ENTPD4: variants seen among roughly 807,000 people sequenced by gnomAD.
ENTPD4 encodes ectonucleoside triphosphate diphosphohydrolase 4.
Under a neutral mutation model 79.1 loss-of-function variants are expected in ENTPD4, and 60 were observed. The ratio of observed to expected loss-of-function variants is 0.76; its 90% CI spans 0.62 to 0.94. ENTPD4 has a LOEUF of 0.94. Among genes scored for constraint, ENTPD4 ranks in the 40% least tolerant of loss-of-function variants. The pLI, the probability that ENTPD4 is intolerant of heterozygous loss-of-function variation, is 0.00. For synonymous variants in ENTPD4, 276 were observed against 292.0 expected, an observed-to-expected ratio of 0.95 and a Z score of 0.56; for missense variants, 772 against 775.1, an observed-to-expected ratio of 1.00 and a Z score of 0.05.
intron 1 of ENTPD4, among the ~76,000 whole-genome samples, chr8:23,450,341 G>A (rs9987295): frequency 0.24 from 37,021 of 152,120 alleles, 4,739 homozygotes; most frequent in Admixed American, 0.34. Context: ...AGCTGAATGT[G>A]AACCTGAAAT....
intron 11 of ENTPD4, chr8:23,434,771 G>A: frequency 8.6e-7 from 1 of 1,163,620 alleles, no homozygotes; most frequent in East Asian, 3.8e-5. Context: ...ATTTCACCAT[G>A]TACTCCTTGA....
intron 12 of ENTPD4, 94 bp from the exon 13 acceptor site, chr8:23,433,248 G>C: frequency 9.4e-7 from 1 of 1,060,864 alleles, no homozygotes; most frequent in Non-Finnish European, 1.4e-6. Flanking sequence ...AGGCCCCAGA[G>C]CTGCACTTTA....
rs931435690 is a variant in ENTPD4 at position 23,441,473 on chromosome 8, A to G, written c.882+96T>C. On this transcript the variant is annotated intron_variant, in intron 8 of 12. Coordinates refer to ENST00000358689, the MANE Select transcript of ENTPD4 (RefSeq NM_004901.5). ...GAGGCGGCACCTCAGCCAGCACAGT[A>G]AAGATGTGTTCAGACTCAGAAAACA... 3.2e-6 allele frequency: 5 copies of G among 1,547,650 alleles called. No homozygotes were observed. The African/African-American group carries it at 6.8e-5, about 21-fold the overall frequency.
At position 23,429,891 on chromosome 8, in the gene ENTPD4, G is replaced by T; in HGVS notation, c.*3035C>A. 1 of 985,460 alleles carries T rather than the reference G, an allele frequency of 1.0e-6. No individual in the cohort carries two copies. The highest frequency in any genetic ancestry group is 1.2e-6 in the Non-Finnish European group (1 of 829,930). The allele number at this position is 985,460 out of a possible 1,614,324, so 61.0% of individuals were successfully genotyped here. A position where few individuals can be genotyped will look rare whatever the true frequency, so the allele number is the denominator to read the frequency against. On this transcript the variant is annotated 3_prime_UTR_variant, in exon 13 of 13. Transcript: ENST00000358689. ...CTACTGTAATGTCCCCAGAGGGATT[G>T]TGAAATGTCTGAGAACATCCCCTGG...
Position 23,433,271 on chromosome 8 carries a change from C to T in ENTPD4, c.1623-117G>A, listed in dbSNP as rs549530914. 2.6e-5 allele frequency: 20 copies of T among 754,872 alleles called. No individual in the cohort carries two copies. The African/African-American group carries it at 3.1e-4, about 12-fold the overall frequency. The allele number at this position is 754,872 out of a possible 1,614,324, so 46.8% of individuals were successfully genotyped here. A position where few individuals can be genotyped will look rare whatever the true frequency, so the allele number is the denominator to read the frequency against. ...GAGCTGCACTTTAGGAACTGCAACC[C>T]TACCTCTGAAATGGAGAACGGAACA... On this transcript the variant is annotated intron_variant, in intron 12 of 12. Coordinates refer to ENST00000358689, the MANE Select transcript of ENTPD4 (RefSeq NM_004901.5).
chr8:23,441,821 T>C (rs1585405115), intron 7 of ENTPD4, 98 bp from the exon 8 acceptor site: 1 of 1,415,974 alleles, frequency 7.1e-7, no homozygotes, highest in African/African-American at 1.4e-5. Context: ...TTCAAGCATA[T>C]TCAGGCAAAC....
intron 1 of ENTPD4, among the ~76,000 whole-genome samples, chr8:23,453,369 G>T (rs995709209): frequency 4.0e-4 from 61 of 152,082 alleles, no homozygotes; most frequent in African/African-American, 1.5e-3. Context: ...ACTTCTGTGT[G>T]CTTAAAACAA....
At position 23,429,639 on chromosome 8, in the gene ENTPD4, T is replaced by C. The variant is rs1800420969; in HGVS notation, c.*3287A>G. 5 of 985,388 alleles carry C rather than the reference T, an allele frequency of 5.1e-6. No homozygotes were observed. The highest frequency in any genetic ancestry group is 6.0e-6 in the Non-Finnish European group (5 of 829,894). 61.0% of individuals were successfully genotyped at this position (985,388 alleles called of 1,614,324 possible). On this transcript the variant is annotated 3_prime_UTR_variant, in exon 13 of 13. Coordinates refer to ENST00000358689, the MANE Select transcript of ENTPD4 (RefSeq NM_004901.5). ...TGTAGGCCTGAGTTTAAAATGTAAA[T>C]ATCTGTTTATCCAGAGTTTGTTAAT...
chr8:23,447,252 G>A (rs1800778216), intron 4 of ENTPD4, among the ~76,000 whole-genome samples: 1 of 152,156 alleles, frequency 6.6e-6, no homozygotes, highest in Non-Finnish European at 1.5e-5. Flanking sequence ...AAATAATCTA[G>A]ATGACTAGAA....
In ENTPD4 at chr8:23,439,894, A is replaced by C. The variant is rs1405320016; in HGVS notation, c.904T>G (p.Leu302Val). The C allele has an allele frequency of 6.2e-7, 1 of 1,614,130 alleles. No individual in the cohort carries two copies. Among genetic ancestry groups the C allele is most frequent in the Admixed American group, 1.7e-5 (1 of 60,032 alleles). The change falls in exon 9 of 13, where the codon TTA becomes GTA. Residue 302 changes from leucine (L) to valine (V), a missense_variant. Physicochemically the swap from Leu to Val is conservative, Grantham distance 32 (BLOSUM62 1). Coordinates refer to ENST00000358689, the MANE Select transcript of ENTPD4 (RefSeq NM_004901.5). Reference protein sequence around the residue: ...SQQEEVAKNLLAEFNLGCDVH... With the variant: ...SQQEEVAKNLVAEFNLGCDVH... ...TCACATCCCAAGTTAAATTCAGCTA[A>C]CAAGTTTTTAGCTACTTCTTCCTGC...
intron 7 of ENTPD4, 117 bp from the exon 8 acceptor site, chr8:23,441,840 C>T: frequency 1.6e-6 from 2 of 1,237,376 alleles, no homozygotes; most frequent in South Asian, 2.8e-5. Context: ...ACCCAGTCTA[C>T]TCCTCCCAAC....
At chr8:23,444,417 G>C in intron 5 of ENTPD4, 39 bp downstream of exon 5, 3 of 1,593,750 alleles carry the variant, frequency 1.9e-6, no homozygotes, top group Non-Finnish European at 2.6e-6. Flanking sequence ...CTCCCCTCCA[G>C]GAACCCACCC....
chr8:23,443,375 C>G (rs933471430), intron 6 of ENTPD4, among the ~76,000 whole-genome samples: 1 of 152,192 alleles, frequency 6.6e-6, no homozygotes, highest in East Asian at 1.9e-4. Context: ...TGACAGACGG[C>G]TTTTGAAATA....
In ENTPD4 at chr8:23,429,848, G is replaced by C. The variant is rs371685091; in HGVS notation, c.*3078C>G. The C allele has an allele frequency of 4.1e-6, 4 of 985,322 alleles. No individual in the cohort carries two copies. The African/African-American group carries it at 7.0e-5, about 17-fold the overall frequency. 61.0% of individuals were successfully genotyped at this position (985,322 alleles called of 1,614,324 possible). A position where few individuals can be genotyped will look rare whatever the true frequency, so the allele number is the denominator to read the frequency against. On this transcript the variant is annotated 3_prime_UTR_variant, in exon 13 of 13. Transcript: ENST00000358689. ...AACATGGGCAAAAAGCACTGGTACA[G>C]TTCCATGTGTTTCTCTTCTACTGTA...
intron 4 of ENTPD4, among the ~76,000 whole-genome samples, chr8:23,445,079 C>A (rs1189662287): frequency 6.6e-6 from 1 of 152,200 alleles, no homozygotes; most frequent in African/African-American, 2.4e-5. Context: ...AATCTGAACT[C>A]AACTTTCACT....
intron 9 of ENTPD4, among the ~76,000 whole-genome samples, chr8:23,438,955 T>C (rs1296567922): frequency 6.6e-6 from 1 of 152,214 alleles, no homozygotes; most frequent in Non-Finnish European, 1.5e-5. Context: ...CTTAGCTCTA[T>C]GAACTAGGAT....
intron 1 of ENTPD4, among the ~76,000 whole-genome samples, chr8:23,456,515 G>A (rs1281736454): frequency 6.6e-6 from 1 of 152,110 alleles, no homozygotes; most frequent in South Asian, 2.1e-4. Flanking sequence ...CTCCTTCCTA[G>A]ACTATATCCT....
chr8:23,436,985 C>A lies in ENTPD4; in HGVS notation c.1323G>T (p.Val441=). The A allele has an allele frequency of 6.2e-7, 1 of 1,612,736 alleles. No homozygotes were observed. Among genetic ancestry groups the A allele is most frequent in the East Asian group, 2.2e-5 (1 of 44,864 alleles). Residue 441 remains valine (V), a synonymous_variant, in exon 10 of 13, where the codon GTG becomes GTT. Coordinates refer to ENST00000358689, the MANE Select transcript of ENTPD4 (RefSeq NM_004901.5). The stretch of plus-strand genomic sequence containing the variant: ...CATTGTAGTCTCCCCCCATTCGTAA[C>A]ACATCCTCGGTGCAGTAGTAGAATT... ...FSEFYYCTED[V]LRMGGDYNAA...
At chr8:23,439,013 T>G (rs1450495017) in intron 9 of ENTPD4, among the ~76,000 whole-genome samples, 1 of 152,216 alleles carries the variant, frequency 6.6e-6, no homozygotes, top group Non-Finnish European at 1.5e-5. Context: ...TAAAACACAG[T>G]AATAAATAGG....
Sources: allele counts gnomAD v4.1 joint callset (sites outside exome capture counted in the v4.1 genomes callset), GRCh38; gene constraint gnomAD v4.1.1; transcripts MANE v1.5; gene names NCBI Gene and HGNC (gene_info 2026-07-23, HGNC 2026-07-21).